The following MAGI1 variants were observed in gnomAD, a reference collection of about 807,000 sequenced individuals.
The protein encoded by MAGI1 is membrane-associated guanylate kinase, WW and PDZ domain-containing protein 1.
A neutral mutation model predicts 139.9 loss-of-function variants in MAGI1; 58 were observed. The observed-to-expected ratio is 0.41, with a 90% CI of 0.34 to 0.52. The LOEUF is 0.52. Among genes scored for constraint, MAGI1 ranks in the 20% least tolerant of loss-of-function variants. MAGI1 has a pLI of 0.12. For missense variants in MAGI1, 1,874 were observed against 1,901.6 expected (o/e 0.99, Z 0.27); for synonymous variants, 812 against 737.9 (o/e 1.10, Z -1.63).
chr3:65,891,904 A>G lies in MAGI1; in HGVS notation c.313+146092T>C, dbSNP rs574374521. Among the ~76,000 whole-genome samples, 490 of 61,260 alleles carry G rather than the reference A, an allele frequency of 8.0e-3. 4 individuals are homozygous for G. The highest frequency in any genetic ancestry group is 0.04 in the East Asian group (75 of 1,890). 40.2% of individuals were successfully genotyped at this position (61,260 alleles called of 152,430 possible). On this transcript the variant is annotated intron_variant, in intron 1 of 22. Transcript: ENST00000402939. ...AAGTATAATATATATATATATATAT[A>G]TATATATATATATATATATATATAT...
rs571615875 is a variant in MAGI1, at chr3:65,481,819, T to C, written c.551-3021A>G. Among the ~76,000 whole-genome samples the C allele has an allele frequency of 2.6e-5, 4 of 152,358 alleles. No homozygotes were observed. In the South Asian group the frequency reaches 6.2e-4, roughly 24 times the overall value. On this transcript the variant is annotated intron_variant, in intron 3 of 22. Coordinates refer to ENST00000402939, the MANE Select transcript of MAGI1 (RefSeq NM_001033057.2). ...AACTTTGACAAATATGTGTGGATTT[T>C]CCATTAGGTACCTACCCTCACTTTT...
At chr3:65,387,132 C>T (rs760587168) in intron 14 of MAGI1, 31 of 1,610,176 alleles carry the variant, frequency 1.9e-5, no homozygotes, top group Middle Eastern at 1.6e-4. Flanking sequence ...AAGTTTTCAG[C>T]GGATCCTTAC....
intron 1 of MAGI1, among the ~76,000 whole-genome samples, chr3:65,686,647 C>A (rs894021244): frequency 1.3e-5 from 2 of 152,074 alleles, no homozygotes; most frequent in Non-Finnish European, 2.9e-5. Context: ...CAACTGGACA[C>A]CAAAACTGGG....
At chr3:65,366,080 C>T (rs1941392177) in intron 18 of MAGI1, among the ~76,000 whole-genome samples, 2 of 152,050 alleles carry the variant, frequency 1.3e-5, no homozygotes, top group South Asian at 4.1e-4. Flanking sequence ...ACCTTTTTTT[C>T]CTACTCATTA....
chr3:65,673,723 T>C (rs917538819), intron 1 of MAGI1, among the ~76,000 whole-genome samples: 14 of 152,224 alleles, frequency 9.2e-5, no homozygotes, highest in African/African-American at 3.4e-4. Flanking sequence ...CTCATCTCAC[T>C]ACTGGTGAGC....
intron 1 of MAGI1, among the ~76,000 whole-genome samples, chr3:66,013,407 A>AT (rs2067442709): frequency 2.9e-5 from 1 of 34,566 alleles, no homozygotes; most frequent in Non-Finnish European, 7.1e-5. Flanking sequence ...TGTCTCAAAT[A>AT]AAAAAAAAAA....
intron 1 of MAGI1, among the ~76,000 whole-genome samples, chr3:65,935,529 G>C (rs1382071965): frequency 6.6e-6 from 1 of 152,212 alleles, no homozygotes; most frequent in Non-Finnish European, 1.5e-5. Context: ...GGCTGAGATG[G>C]AAGGATCGCT....
At position 65,379,402 on chromosome 3, in the gene MAGI1, C is replaced by G; in HGVS notation, c.2854G>C (p.Gly952Arg). The stretch of plus-strand genomic sequence containing the variant: ...CCGCTGCCCCCGCCGCCGCCACTGC[C>G]GATGCCGCTGGTGCTGCCGCTGCCC... ...SSGSGSTSGI[G>R]SGGGGGSGVV... is the part of the protein sequence containing the mutation. The change falls in exon 17 of 23, where the codon GGC (glycine) becomes CGC (arginine). Residue 952 changes from glycine to arginine, a missense_variant. Around this residue, in one of 5 missense-constraint regions of MAGI1, gnomAD observed 482 missense variants for 509.6 expected, o/e 0.95. Transcript: ENST00000402939. 1 of 1,613,128 alleles carries G rather than the reference C, an allele frequency of 6.2e-7. No individual in the cohort carries two copies. The highest frequency in any genetic ancestry group is 8.5e-7 in the Non-Finnish European group (1 of 1,179,384).
intron 1 of MAGI1, among the ~76,000 whole-genome samples, chr3:65,875,742 A>G (rs894614798): frequency 6.6e-6 from 1 of 152,234 alleles, no homozygotes; most frequent in African/African-American, 2.4e-5. Context: ...GCCTAACATA[A>G]TAATGAAGAA....
At chr3:65,484,429 A>G (rs1044920691) in intron 3 of MAGI1, among the ~76,000 whole-genome samples, 8 of 152,198 alleles carry the variant, frequency 5.3e-5, no homozygotes, top group South Asian at 2.1e-4. Flanking sequence ...TGCATTTTCA[A>G]CGGGGCAATA....
At chr3:65,444,210 C>T (rs954635010) in intron 7 of MAGI1, among the ~76,000 whole-genome samples, 48 of 152,290 alleles carry the variant, frequency 3.2e-4, no homozygotes, top group African/African-American at 1.2e-3. Flanking sequence ...AAATGCAAGA[C>T]AGGTCCAATT....
chr3:65,796,413 C>A (rs1411835955), intron 1 of MAGI1, among the ~76,000 whole-genome samples: 1 of 152,132 alleles, frequency 6.6e-6, no homozygotes, highest in Non-Finnish European at 1.5e-5. Flanking sequence ...TCACCAAATA[C>A]CTGGGTACCG....
intron 1 of MAGI1, among the ~76,000 whole-genome samples, chr3:65,656,499 G>A (rs1488777002): frequency 1.3e-5 from 2 of 152,152 alleles, no homozygotes; most frequent in African/African-American, 2.4e-5. Context: ...TAAACATTAT[G>A]CAAGTAAAAT....
At chr3:65,459,491 G>C (rs772401217) in intron 5 of MAGI1, among the ~76,000 whole-genome samples, 1 of 151,978 alleles carries the variant, frequency 6.6e-6, no homozygotes, top group Non-Finnish European at 1.5e-5. Flanking sequence ...TGCTGAACTC[G>C]CTTATTATAA....
At chr3:65,745,781 G>A (rs1384226247) in intron 1 of MAGI1, among the ~76,000 whole-genome samples, 1 of 152,164 alleles carries the variant, frequency 6.6e-6, no homozygotes, top group Non-Finnish European at 1.5e-5. Context: ...CCAGGCTGGA[G>A]TACAATGGCA....
intron 2 of MAGI1, among the ~76,000 whole-genome samples, chr3:65,554,702 T>G (rs1011220300): frequency 3.3e-5 from 5 of 152,194 alleles, no homozygotes; most frequent in Non-Finnish European, 7.4e-5. Context: ...AGGTCCCACT[T>G]CCTTCATGAA....
chr3:65,931,781 G>A (rs1289976646), intron 1 of MAGI1, among the ~76,000 whole-genome samples: 1 of 152,174 alleles, frequency 6.6e-6, no homozygotes, highest in African/African-American at 2.4e-5. Context: ...GCCATTACAT[G>A]TGGATTTGAA....
At chr3:65,977,159 T>C (rs907838438) in intron 1 of MAGI1, among the ~76,000 whole-genome samples, 7 of 152,166 alleles carry the variant, frequency 4.6e-5, no homozygotes, top group South Asian at 2.1e-4. Context: ...GCTTTAGGCA[T>C]CTCAACATTG....
At chr3:65,894,952 A>AT (rs2060912664) in intron 1 of MAGI1, among the ~76,000 whole-genome samples, 1 of 152,208 alleles carries the variant, frequency 6.6e-6, no homozygotes, top group Non-Finnish European at 1.5e-5. Context: ...GAACCTTCAC[A>AT]TGAGTTCAAA....
Sources: gnomAD v4.1 joint callset for allele counts (sites outside exome capture counted in the v4.1 genomes callset) on GRCh38, gnomAD v4.1.1 for gene constraint, gnomAD v4.1.1 regional missense constraint, MANE v1.5 for transcripts, NCBI Gene and HGNC (gene_info 2026-07-23, HGNC 2026-07-21) for gene names.